TBXAS1: variants seen among roughly 807,000 people sequenced by gnomAD.
TBXAS1 encodes thromboxane-A synthase.
TBXAS1 carries 48 observed loss-of-function variants against 60.7 expected under a neutral mutation model. The observed-to-expected ratio is 0.79, with a 90% CI of 0.63 to 1.01. The LOEUF is 1.01. TBXAS1 is among the 50% of genes least tolerant of loss of function. The probability of loss-of-function intolerance (pLI) is 0.00; values close to 1 mark genes in which losing one functional copy is unlikely to be tolerated. For synonymous variants in TBXAS1, 287 were observed against 269.7 expected, an observed-to-expected ratio of 1.06 and a Z score of -0.63; for missense variants, 685 against 686.3, an observed-to-expected ratio of 1.00 and a Z score of 0.02.
intron 1 of TBXAS1, among the ~76,000 whole-genome samples, chr7:139,859,421 T>A (rs559947461): frequency 6.7e-6 from 1 of 149,406 alleles, no homozygotes; most frequent in African/African-American, 2.5e-5. Flanking sequence ...TTAGCCAGGA[T>A]GGTCTCAATC....
At chr7:139,906,279 C>T (rs968237038) in intron 3 of TBXAS1, 11 of 156,792 alleles carry the variant, frequency 7.0e-5, no homozygotes, top group Non-Finnish European at 1.4e-4. Flanking sequence ...TGGTCTCAAA[C>T]TCCTGATCTC....
In TBXAS1 at chr7:139,885,944, T is replaced by A. The variant is rs933790535; in HGVS notation, c.236+10307T>A. Among the ~76,000 whole-genome samples the A allele has an allele frequency of 3.3e-5, 5 of 152,382 alleles. No individual in the cohort carries two copies. The East Asian group carries it at 9.6e-4, about 29-fold the overall frequency. On this transcript the variant is annotated intron_variant, in intron 3 of 12. Coordinates refer to ENST00000448866, the MANE Select transcript of TBXAS1 (RefSeq NM_001061.7). Reference sequence around the variant, plus strand: ...GTTTGAAATTCTACTAAATTTTGAATGTTTGACGTTAGCCTTTAAACTGGA... The same window carrying A: ...GTTTGAAATTCTACTAAATTTTGAAAGTTTGACGTTAGCCTTTAAACTGGA...
intron 1 of TBXAS1, among the ~76,000 whole-genome samples, chr7:139,840,442 T>G (rs1799357950): frequency 6.6e-6 from 1 of 152,188 alleles, no homozygotes; most frequent in Non-Finnish European, 1.5e-5. Context: ...TGGAGATTCA[T>G]AGAATATCAA....
chr7:139,824,829 C>CTTTTTTT (rs1192880390), upstream of TBXAS1, among the ~76,000 whole-genome samples: 2 of 38,860 alleles, frequency 5.1e-5, no homozygotes, highest in African/African-American at 9.5e-5. Context: ...TTTTCCTTTT[C>CTTTTTTT]TTTTTTTTTT....
intron 3 of TBXAS1, among the ~76,000 whole-genome samples, chr7:139,886,919 G>C (rs1178207018): frequency 1.3e-5 from 2 of 152,170 alleles, no homozygotes. Flanking sequence ...AGCATCCCAT[G>C]AGCAAGAAGC....
rs1226381401 is a variant in TBXAS1, at chr7:139,896,638, T to C, written c.237-14587T>C. Among the ~76,000 whole-genome samples, 1 of 152,186 alleles carries C rather than the reference T, an allele frequency of 6.6e-6. No homozygotes were observed. The highest frequency in any genetic ancestry group is 1.9e-4 in the East Asian group (1 of 5,194). On this transcript the variant is annotated intron_variant, in intron 3 of 12. Coordinates refer to ENST00000448866, the MANE Select transcript of TBXAS1 (RefSeq NM_001061.7). The surrounding 1 kb of genome is among the most constrained non-coding windows in gnomAD (Gnocchi z 4.0). Reference sequence around the variant, plus strand: ...AAATGTCCACTAACTTGCTAGAACATGTATACTTATAAAGTTGTTTGAACT... The same window carrying C: ...AAATGTCCACTAACTTGCTAGAACACGTATACTTATAAAGTTGTTTGAACT...
chr7:139,869,105 A>T (rs6948035), intron 1 of TBXAS1, among the ~76,000 whole-genome samples: 39,665 of 152,026 alleles, frequency 0.26, 5,367 homozygotes, highest in South Asian at 0.46. Context: ...AGACCACCAG[A>T]AATTTATTGT....
At chr7:139,791,266 A>C (rs1797373075) in intron 4 of TBXAS1, among the ~76,000 whole-genome samples, 1 of 152,260 alleles carries the variant, frequency 6.6e-6, no homozygotes, top group Admixed American at 6.5e-5. Context: ...GACAACAGTC[A>C]GCATAGGGGT....
intron 3 of TBXAS1, among the ~76,000 whole-genome samples, chr7:139,876,276 C>A (rs955357807): frequency 6.6e-6 from 1 of 152,158 alleles, no homozygotes; most frequent in Non-Finnish European, 1.5e-5. Context: ...CCTTTGTATG[C>A]TCCTTTGTTT....
At chr7:140,006,143 C>T (rs888276278) in intron 9 of TBXAS1, among the ~76,000 whole-genome samples, 1 of 152,224 alleles carries the variant, frequency 6.6e-6, no homozygotes, top group African/African-American at 2.4e-5. Flanking sequence ...AGCAATCCGC[C>T]ACCTTGGGGA....
chr7:139,836,239 T>A (rs1163189588), intron 1 of TBXAS1, among the ~76,000 whole-genome samples: 1 of 152,168 alleles, frequency 6.6e-6, no homozygotes, highest in Non-Finnish European at 1.5e-5. Context: ...ATGATCATAC[T>A]GCCAAAAGCA....
intron 3 of TBXAS1, 34 bp downstream of exon 3, chr7:139,875,671 G>A (rs372645665): frequency 2.0e-5 from 32 of 1,611,076 alleles, no homozygotes; most frequent in East Asian, 4.5e-5. Context: ...TATTATGTAC[G>A]ATATTTTCTA....
At chr7:139,820,034 ACTCTGGATT>A (rs1472870101) in intron 4 of TBXAS1, among the ~76,000 whole-genome samples, 1 of 151,714 alleles carries the variant, frequency 6.6e-6, no homozygotes, top group Non-Finnish European at 1.5e-5. Flanking sequence ...TTGCTGTCAA[ACTCTGGATT>A]CTAACTTTTG....
chr7:140,011,267 ACT>A (rs1814581267), intron 10 of TBXAS1, among the ~76,000 whole-genome samples: 1 of 114,896 alleles, frequency 8.7e-6, no homozygotes, highest in Admixed American at 9.9e-5. Context: ...GCAGAGCGAG[ACT>A]CTGTCTCAAA....
Position 139,992,780 on chromosome 7 carries a change from G to A in TBXAS1, c.1135-14311G>A, listed in dbSNP as rs141977732. ...CTCTGCACAAACCTGGTAGTTTCAC[G>A]AGAAGCCATGTAAGGTAGAGAAGTC... is the stretch of plus-strand genomic sequence containing the variant. On this transcript the variant is annotated intron_variant, in intron 9 of 12. Transcript: ENST00000448866. Among the ~76,000 whole-genome samples, 22 of 152,328 alleles carry A rather than the reference G, an allele frequency of 1.4e-4. No individual in the cohort carries two copies. In the East Asian group the frequency reaches 3.3e-3, roughly 23 times the overall value.
chr7:139,931,084 T>TAC (rs1422576575), intron 4 of TBXAS1, among the ~76,000 whole-genome samples: 37 of 151,966 alleles, frequency 2.4e-4, no homozygotes, highest in African/African-American at 6.3e-4. Flanking sequence ...TACATGTACA[T>TAC]ACACACATAC....
chr7:139,783,919 T>C (rs965009016), intron 3 of TBXAS1, among the ~76,000 whole-genome samples: 3 of 152,048 alleles, frequency 2.0e-5, no homozygotes, highest in African/African-American at 7.2e-5. Flanking sequence ...TAAGCAAACA[T>C]GAGTTAGTTA....
chr7:139,858,903 T>C (rs957925711), intron 1 of TBXAS1, among the ~76,000 whole-genome samples: 12 of 152,162 alleles, frequency 7.9e-5, no homozygotes, highest in Admixed American at 5.2e-4. Flanking sequence ...AGTTTTGCTC[T>C]CGTTGCCCAG....
rs1054709767 is a variant in TBXAS1, at chr7:139,915,573, G to A, written c.333+4252G>A. Among the ~76,000 whole-genome samples, 7 of 152,276 alleles carry A rather than the reference G, an allele frequency of 4.6e-5. No homozygotes were observed. In the South Asian group the frequency reaches 8.3e-4, roughly 18 times the overall value. On this transcript the variant is annotated intron_variant, in intron 4 of 12. Coordinates refer to ENST00000448866, the MANE Select transcript of TBXAS1 (RefSeq NM_001061.7). The stretch of plus-strand genomic sequence containing the variant: ...GCTCACAAATTCAGGCTTGAGTTAC[G>A]TTGAGTTTTGTCCCTGGACAGCCTG...
Sources: gnomAD v4.1 joint callset for allele counts (sites outside exome capture counted in the v4.1 genomes callset) on GRCh38, gnomAD v4.1.1 for gene constraint, Gnocchi (gnomAD v3.1) non-coding constraint, MANE v1.5 for transcripts, NCBI Gene and HGNC (gene_info 2026-07-23, HGNC 2026-07-21) for gene names.